Variants in CACNA1C observed in about 807,000 individuals in gnomAD.
The protein encoded by CACNA1C is calcium voltage-gated channel subunit alpha1 C.
In CACNA1C, 30 loss-of-function variants were observed where a neutral mutation model predicts 229.0. The ratio of observed to expected loss-of-function variants is 0.13; its 90% CI spans 0.10 to 0.18. The LOEUF (loss-of-function observed/expected upper bound fraction) is 0.18, where lower values mean the gene tolerates loss of function less well. Ranked by LOEUF, CACNA1C falls within the 10% of genes least tolerant of loss-of-function variation. CACNA1C has a pLI of 1.00. For synonymous variants in CACNA1C, 1,114 were observed against 1,132.5 expected (o/e 0.98, Z 0.33); for missense variants, 1,658 against 2,845.0 (o/e 0.58, Z 9.49).
chr12:2,162,326 C>T (rs769562164), intron 3 of CACNA1C, among the ~76,000 whole-genome samples: 9 of 151,884 alleles, frequency 5.9e-5, no homozygotes, highest in Non-Finnish European at 1.3e-4. Flanking sequence ...GCTCTCCAGC[C>T]ATCAGTCCTG....
At chr12:2,378,164 A>T (rs1445369655) in intron 3 of CACNA1C, among the ~76,000 whole-genome samples, 1 of 152,320 alleles carries the variant, frequency 6.6e-6, no homozygotes, top group South Asian at 2.1e-4. Context: ...AATACGATTA[A>T]CAACCACAAC....
At position 2,647,995 on chromosome 12, in the gene CACNA1C, G is replaced by A. The variant is rs576626604; in HGVS notation, c.3913-480G>A. Among the ~76,000 whole-genome samples the A allele has an allele frequency of 4.6e-5, 7 of 152,046 alleles. No individual in the cohort carries two copies. In the South Asian group the frequency reaches 1.0e-3, roughly 23 times the overall value. On this transcript the variant is annotated intron_variant, in intron 30 of 46. Transcript: ENST00000399655. This position sits in a 1 kb window ranked among gnomAD's most constrained non-coding sequence, Gnocchi z 4.2. ...TTAAAATAAAAAATTTAAATTAGCC[G>A]GGCATGGTGGCACGTTCCTATAGTC...
intron 11 of CACNA1C, among the ~76,000 whole-genome samples, chr12:2,565,040 G>C (rs998440008): frequency 6.6e-6 from 1 of 152,092 alleles, no homozygotes; most frequent in Non-Finnish European, 1.5e-5. Flanking sequence ...ACCAAACAGA[G>C]CTGTATATTT....
At chr12:2,207,385 G>C (rs888069307) in intron 3 of CACNA1C, among the ~76,000 whole-genome samples, 5 of 152,196 alleles carry the variant, frequency 3.3e-5, no homozygotes, top group African/African-American at 1.2e-4. Flanking sequence ...TTGTGTGATA[G>C]TTCTACTATA....
intron 9 of CACNA1C, among the ~76,000 whole-genome samples, chr12:2,545,073 C>T (rs923618604): frequency 2.0e-5 from 3 of 152,172 alleles, no homozygotes; most frequent in Non-Finnish European, 2.9e-5. Flanking sequence ...TGCTTTGGAG[C>T]TTCTTCTCCA....
Position 2,486,041 on chromosome 12 carries a change from T to G in CACNA1C, c.758-63T>G. 947 of 1,334,672 alleles carry G rather than the reference T, an allele frequency of 7.1e-4. No individual in the cohort carries two copies. Among genetic ancestry groups the G allele is most frequent in the Non-Finnish European group, 8.9e-4 (881 of 987,848 alleles). 82.7% of individuals were successfully genotyped at this position (1,334,672 alleles called of 1,614,324 possible). On this transcript the variant is annotated intron_variant, in intron 5 of 46. Transcript: ENST00000399655. This position sits in a 1 kb window ranked among gnomAD's most constrained non-coding sequence, Gnocchi z 4.9. ...CTTGCAGAGTTGCTGGAAGATTGCA[T>G]GAGATGGCGTCAGCACGGTACCGCG...
intron 3 of CACNA1C, among the ~76,000 whole-genome samples, chr12:2,305,347 T>C (rs1338410093): frequency 3.9e-5 from 6 of 152,144 alleles, no homozygotes; most frequent in Admixed American, 3.9e-4. Context: ...CAAAGCAAAG[T>C]TTATGGTGCA....
intron 1 of CACNA1C, among the ~76,000 whole-genome samples, chr12:2,110,697 G>A (rs539087768): frequency 6.6e-6 from 1 of 152,296 alleles, no homozygotes; most frequent in South Asian, 2.1e-4. Context: ...TGTTGTGGGT[G>A]ACCCGGAGAT....
chr12:2,468,759 C>A (rs1202993451), intron 5 of CACNA1C, among the ~76,000 whole-genome samples: 1 of 152,242 alleles, frequency 6.6e-6, no homozygotes, highest in Non-Finnish European at 1.5e-5. Context: ...GGGTGGGAGG[C>A]ACTCCGGCCT....
At chr12:2,115,090 G>A (rs2083315998) in intron 1 of CACNA1C, 134 bp from the exon 2 acceptor site, 4 of 683,550 alleles carry the variant, frequency 5.9e-6, no homozygotes, top group South Asian at 2.0e-5. Context: ...ATGTTTCCAC[G>A]TGCCACCTCC....
At chr12:2,498,120 T>A (rs1187246543) in intron 7 of CACNA1C, among the ~76,000 whole-genome samples, 4 of 152,238 alleles carry the variant, frequency 2.6e-5, no homozygotes, top group Admixed American at 2.0e-4. Context: ...CTACTCCATC[T>A]TCACAAAGCC....
chr12:2,075,901 G>T (rs182477071), intron 1 of CACNA1C, among the ~76,000 whole-genome samples: 2 of 152,294 alleles, frequency 1.3e-5, no homozygotes, highest in Admixed American at 1.3e-4. Flanking sequence ...ACAGGGGTTG[G>T]TATATTTAGA....
intron 3 of CACNA1C, among the ~76,000 whole-genome samples, chr12:2,313,340 GT>G (rs914320394): frequency 1.3e-5 from 2 of 152,188 alleles, no homozygotes; most frequent in African/African-American, 4.8e-5. Flanking sequence ...CTCCTTGCAG[GT>G]GATCATTCAG....
intron 3 of CACNA1C, among the ~76,000 whole-genome samples, chr12:2,438,785 A>G (rs1406860941): frequency 6.6e-6 from 1 of 152,052 alleles, no homozygotes; most frequent in Non-Finnish European, 1.5e-5. Flanking sequence ...TAATATCCAA[A>G]CAACCCATGA....
intron 29 of CACNA1C, chr12:2,612,253 A>AT (rs2078209048): frequency 2.1e-6 from 1 of 487,070 alleles, no homozygotes; most frequent in African/African-American, 1.9e-5. Context: ...CAAGCTGCAG[A>AT]TTCCTCGCTG....
At chr12:2,295,670 A>G (rs1333277762) in intron 3 of CACNA1C, among the ~76,000 whole-genome samples, 3 of 152,246 alleles carry the variant, frequency 2.0e-5, no homozygotes, top group Non-Finnish European at 4.4e-5. Flanking sequence ...ATTCATTGCA[A>G]TGGGTTGGTC....
chr12:2,674,784 G>C, intron 39 of CACNA1C, 142 bp downstream of exon 39: 1 of 803,348 alleles, frequency 1.2e-6, no homozygotes, highest in East Asian at 2.8e-5. Context: ...CTTGCTGGAG[G>C]TCTGCCTTCA....
At chr12:2,126,083 C>A (rs2089908975) in intron 3 of CACNA1C, among the ~76,000 whole-genome samples, 1 of 152,162 alleles carries the variant, frequency 6.6e-6, no homozygotes, top group Admixed American at 6.5e-5. Context: ...ACTTTGCTTT[C>A]TTCTGTTTCC....
chr12:2,043,642 C>CT (rs67625680), intron 1 of CACNA1C, among the ~76,000 whole-genome samples: 10,168 of 91,456 alleles, frequency 0.11, 992 homozygotes, highest in Admixed American at 0.16. Context: ...ACAGAATATT[C>CT]TTTTTTTTTT....
Sources: gnomAD v4.1 joint callset for allele counts (sites outside exome capture counted in the v4.1 genomes callset) on GRCh38, gnomAD v4.1.1 for gene constraint, Gnocchi (gnomAD v3.1) non-coding constraint, MANE v1.5 for transcripts, NCBI Gene and HGNC (gene_info 2026-07-23, HGNC 2026-07-21) for gene names.